Variants in ZNF184 observed in about 807,000 individuals in gnomAD.
ZNF184 encodes zinc finger protein 184, also known as zinc finger protein 184 (Kruppel-like).
ZNF184 carries 16 observed loss-of-function variants against 54.4 expected under a neutral mutation model. The observed-to-expected ratio is 0.29, with a 90% CI of 0.20 to 0.45. The LOEUF (loss-of-function observed/expected upper bound fraction) is 0.45. ZNF184 is among the 20% of genes least tolerant of loss of function. ZNF184 has a pLI of 1.00. For missense variants in ZNF184, 681 were observed against 888.2 expected, an observed-to-expected ratio of 0.77 and a Z score of 2.97; for synonymous variants, 254 against 295.3, an observed-to-expected ratio of 0.86 and a Z score of 1.43.
At chr6:27,462,518 T>C in intron 3 of ZNF184, among the ~76,000 whole-genome samples, 1 of 150,144 alleles carries the variant, frequency 6.7e-6, no homozygotes. Flanking sequence ...TATATGAATA[T>C]AAAAATATTC....
In ZNF184 at chr6:27,452,407, A is replaced by G. The variant is rs1487173708; in HGVS notation, c.1152T>C (p.His384=). The stretch of plus-strand genomic sequence containing the variant: ...TACATTTATAGGTTTTTTCTCCAGT[A>G]TGAATTTTTTGATGTTGAGTAAGGT... ...STHLTQHQKI[H]TGEKTYKCNE... Residue 384 remains histidine (H), a synonymous_variant, in exon 6 of 6, where the codon CAT becomes CAC. Coordinates refer to ENST00000683788, the MANE Select transcript of ZNF184 (RefSeq NM_001318891.2). The surrounding 1 kb of genome is among the most constrained non-coding windows in gnomAD (Gnocchi z 5.5). 6.2e-7 allele frequency: 1 copy of G among 1,613,868 alleles called. No homozygotes were observed. Among genetic ancestry groups the G allele is most frequent in the Admixed American group, 1.7e-5 (1 of 59,970 alleles).
At chr6:27,435,771 CA>C in the ZNF184 span, among the ~76,000 whole-genome samples, 1 of 152,180 alleles carries the variant, frequency 6.6e-6, no homozygotes, top group Non-Finnish European at 1.5e-5. Context: ...AAATCTGTTT[CA>C]ATAATGCTGT....
the ZNF184 span, among the ~76,000 whole-genome samples, chr6:27,409,541 CA>C: frequency 1.6e-5 from 2 of 127,404 alleles, no homozygotes; most frequent in Admixed American, 1.5e-4. Flanking sequence ...AACGAACAAA[CA>C]AAAAATATAT....
chr6:27,425,420 AAAG>A, the ZNF184 span, among the ~76,000 whole-genome samples: 1 of 152,274 alleles, frequency 6.6e-6, no homozygotes, highest in Non-Finnish European at 1.5e-5. Flanking sequence ...AGTTATGTTT[AAAG>A]GAAGAAAAAA....
chr6:27,439,155 T>C, the ZNF184 span, among the ~76,000 whole-genome samples: 3 of 152,174 alleles, frequency 2.0e-5, no homozygotes, highest in Non-Finnish European at 2.9e-5. Context: ...GATTCATAAG[T>C]ACTTTAAATT....
intron 3 of ZNF184, among the ~76,000 whole-genome samples, chr6:27,462,990 A>C (rs1200028233): frequency 6.6e-6 from 1 of 151,728 alleles, no homozygotes; most frequent in Non-Finnish European, 1.5e-5. Flanking sequence ...AGAACATCAA[A>C]AGTTTTTATG....
the ZNF184 span, among the ~76,000 whole-genome samples, chr6:27,442,880 A>AAAGAAAGAAAGAAAAGAAAG: frequency 1.2e-5 from 1 of 86,174 alleles, no homozygotes; most frequent in Admixed American, 1.2e-4. Flanking sequence ...GAAAGAAAGA[A>AAAGAAAGAAAGAAAAGAAAG]AAAGAAAAAA....
chr6:27,425,340 C>T, the ZNF184 span, among the ~76,000 whole-genome samples: 4 of 152,234 alleles, frequency 2.6e-5, no homozygotes, highest in Admixed American at 2.0e-4. Context: ...GCAGAGGAGG[C>T]GCCGAGAGCG....
chr6:27,425,008 G>A, the ZNF184 span, among the ~76,000 whole-genome samples: 2 of 152,204 alleles, frequency 1.3e-5, no homozygotes, highest in African/African-American at 2.4e-5. Flanking sequence ...GAAATCGAGC[G>A]CAGCACCGGT....
chr6:27,423,259 A>AGG, the ZNF184 span, among the ~76,000 whole-genome samples: 2 of 152,098 alleles, frequency 1.3e-5, no homozygotes, highest in African/African-American at 4.8e-5. Context: ...AAGAATCTAA[A>AGG]GGCTAGCTGG....
chr6:27,448,455 A>G (rs997956329), downstream of ZNF184, among the ~76,000 whole-genome samples: 3 of 152,158 alleles, frequency 2.0e-5, no homozygotes, highest in African/African-American at 7.2e-5. Context: ...CCCTTTTTAA[A>G]CAATTCAAAT....
intron 5 of ZNF184, among the ~76,000 whole-genome samples, chr6:27,456,387 GGTGGCCATAAAGATTCATATT>G (rs1187516157): frequency 6.6e-6 from 1 of 152,154 alleles, no homozygotes; most frequent in Non-Finnish European, 1.5e-5. Context: ...TAAACTGAAT[GGTGGCCATAAAGATTCATATT>G]GTGGAGTAAA....
At chr6:27,462,725 CATG>C (rs1243625180) in intron 3 of ZNF184, among the ~76,000 whole-genome samples, 2 of 151,042 alleles carry the variant, frequency 1.3e-5, no homozygotes, top group Non-Finnish European at 3.0e-5. Context: ...ATTAGCCAGT[CATG>C]GTGGTGAGCG....
At chr6:27,443,592 C>T in the ZNF184 span, among the ~76,000 whole-genome samples, 1 of 152,136 alleles carries the variant, frequency 6.6e-6, no homozygotes, top group Admixed American at 6.5e-5. Flanking sequence ...ACAACCTAGA[C>T]CTTGTGGCAT....
the ZNF184 span, among the ~76,000 whole-genome samples, chr6:27,427,771 C>G: frequency 1.1e-4 from 16 of 152,190 alleles, no homozygotes; most frequent in Non-Finnish European, 2.1e-4. Flanking sequence ...CTATTGGCTA[C>G]CACGTTTGGT....
chr6:27,471,700 T>C (rs1051319878), intron 2 of ZNF184, among the ~76,000 whole-genome samples: 1 of 152,226 alleles, frequency 6.6e-6, no homozygotes, highest in African/African-American at 2.4e-5. Context: ...GGAGGAGTTG[T>C]AACAGCTGAA....
chr6:27,423,700 C>T, the ZNF184 span, among the ~76,000 whole-genome samples: 1 of 151,970 alleles, frequency 6.6e-6, no homozygotes, highest in Non-Finnish European at 1.5e-5. Flanking sequence ...TACTTCCAGC[C>T]CTTTTACAAT....
chr6:27,459,090 G>A (rs942321506), intron 3 of ZNF184, among the ~76,000 whole-genome samples: 1 of 152,168 alleles, frequency 6.6e-6, no homozygotes, highest in Non-Finnish European at 1.5e-5. Flanking sequence ...GGGTAGAGGA[G>A]GGAAGGCTAG....
chr6:27,453,895 C>T lies in ZNF184; in HGVS notation c.299-635G>A, dbSNP rs1464839203. Among the ~76,000 whole-genome samples the T allele has an allele frequency of 6.6e-6, 1 of 151,882 alleles. No individual in the cohort carries two copies. Among genetic ancestry groups the T allele is most frequent in the Non-Finnish European group, 1.5e-5 (1 of 67,992 alleles). ...CCAACATCAGAATAACAAGGATGTT[C>T]AAATGTAGGATGGAAAGTATCAGCT... On this transcript the variant is annotated intron_variant, in intron 5 of 5. Transcript: ENST00000683788. The surrounding 1 kb of genome is among the most constrained non-coding windows in gnomAD (Gnocchi z 4.7).
Sources: allele counts gnomAD v4.1 joint callset (sites outside exome capture counted in the v4.1 genomes callset), GRCh38; gene constraint gnomAD v4.1.1; non-coding constraint Gnocchi (gnomAD v3.1); transcripts MANE v1.5; gene names NCBI Gene and HGNC (gene_info 2026-07-23, HGNC 2026-07-21).